The following RORA variants were observed in gnomAD, a reference collection of about 807,000 sequenced individuals.
RORA encodes RAR related orphan receptor A.
A neutral mutation model predicts 69.5 loss-of-function variants in RORA; 7 were observed. That is an observed-to-expected ratio of 0.10 (90% CI 0.06 to 0.19). The LOEUF is 0.19. Among genes scored for constraint, RORA ranks in the 10% least tolerant of loss-of-function variants. The probability of loss-of-function intolerance (pLI) is 1.00; values close to 1 mark genes in which losing one functional copy is unlikely to be tolerated. For missense variants in RORA, 457 were observed against 663.0 expected (o/e 0.69, Z 3.41); for synonymous variants, 261 against 240.8 (o/e 1.08, Z -0.78).
chr15:61,056,969 G>T (rs2078105548), intron 1 of RORA, among the ~76,000 whole-genome samples: 1 of 152,198 alleles, frequency 6.6e-6, no homozygotes, highest in Non-Finnish European at 1.5e-5. Context: ...TGCCTTTAAT[G>T]ATCTACATTT....
At chr15:60,643,892 G>T (rs1291458361) in intron 2 of RORA, among the ~76,000 whole-genome samples, 1 of 152,156 alleles carries the variant, frequency 6.6e-6, no homozygotes. Context: ...AACTGAGAAG[G>T]AAGGTTCAGG....
At chr15:60,935,988 T>G (rs1224167273) in intron 1 of RORA, among the ~76,000 whole-genome samples, 2 of 152,240 alleles carry the variant, frequency 1.3e-5, no homozygotes, top group Non-Finnish European at 1.5e-5. Context: ...CTGACATTGT[T>G]GAATTCATCA....
intron 2 of RORA, among the ~76,000 whole-genome samples, chr15:60,568,307 G>C (rs1367347224): frequency 6.6e-6 from 1 of 152,196 alleles, no homozygotes; most frequent in Non-Finnish European, 1.5e-5. Context: ...CAGGCATCCT[G>C]AGGGTAGTGA....
intron 1 of RORA, among the ~76,000 whole-genome samples, chr15:61,029,369 T>C (rs1391930756): frequency 1.3e-5 from 2 of 151,986 alleles, no homozygotes; most frequent in Admixed American, 6.6e-5. Flanking sequence ...CAGGAGCAAA[T>C]CCACACAGGG....
intron 1 of RORA, among the ~76,000 whole-genome samples, chr15:60,778,349 C>T (rs772531820): frequency 8.6e-5 from 13 of 151,682 alleles, no homozygotes; most frequent in East Asian, 3.9e-4. Context: ...CCTGTTCTAA[C>T]GAAAGGGCAC....
intron 9 of RORA, among the ~76,000 whole-genome samples, 189 bp from the exon 10 acceptor site, chr15:60,500,193 G>A (rs1361373946): frequency 6.6e-6 from 1 of 151,980 alleles, no homozygotes; most frequent in East Asian, 1.9e-4. Context: ...ATAAAACAGG[G>A]TGTTAAACCT....
chr15:60,607,428 C>G lies in RORA; in HGVS notation c.196+71229G>C, dbSNP rs1009361298. ...AAAATTAATTTTTTATGATGTACCT[C>G]ATTTTCTGATACTGCCTTGAATGTG... On this transcript the variant is annotated intron_variant, in intron 2 of 10. Transcript: ENST00000335670. 2.0e-5 allele frequency among the ~76,000 whole-genome samples: 3 copies of G among 152,162 alleles called. No homozygotes were observed. In the East Asian group the frequency reaches 5.8e-4, roughly 29 times the overall value.
At chr15:60,943,132 T>G (rs1425209466) in intron 1 of RORA, among the ~76,000 whole-genome samples, 2 of 152,328 alleles carry the variant, frequency 1.3e-5, no homozygotes, top group South Asian at 4.1e-4. Context: ...CTATGCATAG[T>G]AGCATCTTCT....
chr15:60,814,166 C>T (rs1408072354), intron 1 of RORA, among the ~76,000 whole-genome samples: 2 of 152,136 alleles, frequency 1.3e-5, no homozygotes, highest in Non-Finnish European at 2.9e-5. Context: ...TGTCTCCATG[C>T]CCTTACTCAG....
At chr15:60,728,439 C>T (rs1370208054) in intron 1 of RORA, among the ~76,000 whole-genome samples, 1 of 152,124 alleles carries the variant, frequency 6.6e-6, no homozygotes, top group Non-Finnish European at 1.5e-5. Context: ...GTTACCTATT[C>T]AGTTGAATAG....
At chr15:60,824,626 C>T (rs543429634) in intron 1 of RORA, among the ~76,000 whole-genome samples, 1 of 152,180 alleles carries the variant, frequency 6.6e-6, no homozygotes. Context: ...AATTATATAA[C>T]CTTCCTTTGT....
chr15:60,658,828 T>A (rs1472473209), intron 2 of RORA, among the ~76,000 whole-genome samples: 1 of 152,202 alleles, frequency 6.6e-6, no homozygotes, highest in East Asian at 1.9e-4. Flanking sequence ...TCAATTGTGA[T>A]GTTTGGAATT....
At chr15:60,925,956 C>CA (rs1293723264) in intron 1 of RORA, among the ~76,000 whole-genome samples, 1 of 152,086 alleles carries the variant, frequency 6.6e-6, no homozygotes, top group East Asian at 1.9e-4. Flanking sequence ...ACATGGTGAC[C>CA]AAAAATGCTG....
intron 1 of RORA, among the ~76,000 whole-genome samples, chr15:61,181,711 T>C (rs536892241): frequency 2.2e-4 from 30 of 138,386 alleles, no homozygotes; most frequent in Non-Finnish European, 4.4e-4. Flanking sequence ...AAGGATAAAG[T>C]AGGTCATTTC....
chr15:60,664,383 G>C (rs1476813702), intron 2 of RORA, among the ~76,000 whole-genome samples: 1 of 152,146 alleles, frequency 6.6e-6, no homozygotes, highest in Non-Finnish European at 1.5e-5. Flanking sequence ...CTGTGTGAAA[G>C]AGCAGCACAA....
At chr15:61,006,899 A>G (rs893304831) in intron 1 of RORA, among the ~76,000 whole-genome samples, 3 of 152,150 alleles carry the variant, frequency 2.0e-5, no homozygotes, top group African/African-American at 7.2e-5. Context: ...GAAGTGTCAC[A>G]AAAATCCTTC....
chr15:60,525,820 A>G (rs1346002400), intron 3 of RORA, among the ~76,000 whole-genome samples: 1 of 152,160 alleles, frequency 6.6e-6, no homozygotes, highest in African/African-American at 2.4e-5. Flanking sequence ...CTGTGTTGCA[A>G]TTTTATTTAT....
chr15:60,552,107 CGAT>C (rs984172626), intron 2 of RORA, among the ~76,000 whole-genome samples: 3 of 152,122 alleles, frequency 2.0e-5, no homozygotes, highest in Non-Finnish European at 4.4e-5. Context: ...AGGTAGAACA[CGAT>C]GCAGCTGCAG....
chr15:60,884,574 A>C (rs902829503), intron 1 of RORA, among the ~76,000 whole-genome samples: 6 of 152,198 alleles, frequency 3.9e-5, no homozygotes, highest in Non-Finnish European at 7.3e-5. Context: ...GAAAAAAATG[A>C]AAGAGGGATA....
Sources: allele counts gnomAD v4.1 joint callset (sites outside exome capture counted in the v4.1 genomes callset), GRCh38; gene constraint gnomAD v4.1.1; transcripts MANE v1.5; gene names NCBI Gene and HGNC (gene_info 2026-07-23, HGNC 2026-07-21).